ST3GAL1: variants seen among roughly 807,000 people sequenced by gnomAD.
ST3GAL1 encodes the protein CMP-N-acetylneuraminate-beta-galactosamide-alpha-2,3-sialyltransferase 1.
In ST3GAL1, 16 loss-of-function variants were observed where a neutral mutation model predicts 34.1. The ratio of observed to expected loss-of-function variants is 0.47; its 90% confidence interval spans 0.32 to 0.71. ST3GAL1 has a LOEUF of 0.71. Ranked by LOEUF, ST3GAL1 falls within the 30% of genes least tolerant of loss-of-function variation. ST3GAL1 has a pLI of 0.04. For synonymous variants in ST3GAL1, 191 were observed against 184.7 expected (o/e 1.03, Z -0.28); for missense variants, 353 against 447.4 (o/e 0.79, Z 1.90).
Position 133,467,505 on chromosome 8 carries a change from T to C in ST3GAL1, c.307-1415A>G, listed in dbSNP as rs1815788914. The stretch of plus-strand genomic sequence containing the variant: ...AGAGAGGTAAGCAACTCATCCCAAA[T>C]ACAAACCAGGATTTGAACCCAGGCT... On this transcript the variant is annotated intron_variant, in intron 5 of 9. Coordinates refer to ENST00000522652, the MANE Select transcript of ST3GAL1 (RefSeq NM_173344.3). This position sits in a 1 kb window ranked among gnomAD's most constrained non-coding sequence, Gnocchi z 4.2. Among the ~76,000 whole-genome samples the C allele has an allele frequency of 6.6e-6, 1 of 152,162 alleles. No individual in the cohort carries two copies. The highest frequency in any genetic ancestry group is 2.4e-5 in the African/African-American group (1 of 41,430).
At chr8:133,539,871 G>A (rs1818415835) in intron 2 of ST3GAL1, 1 of 152,194 alleles carries the variant, frequency 6.6e-6, no homozygotes, top group African/African-American at 2.4e-5. Flanking sequence ...ACTCCAGCCT[G>A]GGCACCAGAG....
rs572142065 is a variant in ST3GAL1 at position 133,562,622 on chromosome 8, G to A, written c.-582+9071C>T. ...TCTGTGAATGTCGCTGGGTTGTTCC[G>A]GGTGTTTGAGCTCTTGACCACTGGC... On this transcript the variant is annotated intron_variant, in intron 1 of 9. Transcript: ENST00000522652. Among the ~76,000 whole-genome samples the A allele has an allele frequency of 5.3e-5, 8 of 152,200 alleles. No homozygotes were observed. The East Asian group carries it at 9.7e-4, about 18-fold the overall frequency.
rs535697184 is a variant in ST3GAL1 at position 133,571,024 on chromosome 8, G to C, written c.-582+669C>G. On this transcript the variant is annotated intron_variant, in intron 1 of 9. Coordinates refer to ENST00000522652, the MANE Select transcript of ST3GAL1 (RefSeq NM_173344.3). This position sits in a 1 kb window ranked among gnomAD's most constrained non-coding sequence, Gnocchi z 6.7. ...CCCACTGTCCGCCACGCCGCGTTCA[G>C]CTCTCTTGTCCCGGGTGTCAACTTC... 1.3e-5 allele frequency among the ~76,000 whole-genome samples: 2 copies of C among 152,362 alleles called. No individual in the cohort carries two copies. The highest frequency in any genetic ancestry group is 4.8e-5 in the African/African-American group (2 of 41,588).
intron 2 of ST3GAL1, chr8:133,544,213 T>C (rs1436288189): frequency 6.6e-6 from 1 of 152,294 alleles, no homozygotes; most frequent in African/African-American, 2.4e-5. Context: ...GTCCCTTCCA[T>C]ACAAACTGTG....
At chr8:133,560,594 G>A (rs1169689419) in intron 1 of ST3GAL1, among the ~76,000 whole-genome samples, 1 of 152,230 alleles carries the variant, frequency 6.6e-6, no homozygotes, top group African/African-American at 2.4e-5. Flanking sequence ...AGAGGGCCCA[G>A]GTGGTCACAG....
At chr8:133,481,703 T>G (rs888515065) in intron 3 of ST3GAL1, among the ~76,000 whole-genome samples, 3 of 151,758 alleles carry the variant, frequency 2.0e-5, no homozygotes, top group Non-Finnish European at 2.9e-5. Context: ...TCCATGTTGG[T>G]CAGGCTGGTC....
intron 2 of ST3GAL1, among the ~76,000 whole-genome samples, chr8:133,536,347 C>A (rs1055937841): frequency 2.6e-5 from 4 of 152,118 alleles, no homozygotes; most frequent in African/African-American, 9.7e-5. Context: ...CCTTCAGGAA[C>A]AAAGATTATC....
rs1240712963 is a variant in ST3GAL1 at position 133,556,787 on chromosome 8, T to C, written c.-581-10861A>G. 6.6e-6 allele frequency among the ~76,000 whole-genome samples: 1 copy of C among 152,114 alleles called. No individual in the cohort carries two copies. Among genetic ancestry groups the C allele is most frequent in the Non-Finnish European group, 1.5e-5 (1 of 68,028 alleles). On this transcript the variant is annotated intron_variant, in intron 1 of 9. Transcript: ENST00000522652. This position sits in a 1 kb window ranked among gnomAD's most constrained non-coding sequence, Gnocchi z 8.9. Reference sequence around the variant, plus strand: ...CAGAATGCCACCACTAACAGTCCTATTTATAGCCCTTTGAAATATGGTGTG... The same window carrying C: ...CAGAATGCCACCACTAACAGTCCTACTTATAGCCCTTTGAAATATGGTGTG...
Position 133,570,430 on chromosome 8 carries a change from CCTTGCGCG to C in ST3GAL1, c.-582+1255_-582+1262del, listed in dbSNP as rs1819533033. The C allele has an allele frequency of 6.6e-6, 1 of 152,282 alleles. No individual in the cohort carries two copies. Among genetic ancestry groups the C allele is most frequent in the Non-Finnish European group, 1.5e-5 (1 of 68,082 alleles). The allele number at this position is 152,282 out of a possible 1,614,324, so 9.4% of individuals were successfully genotyped here. A position where few individuals can be genotyped will look rare whatever the true frequency, so the allele number is the denominator to read the frequency against. On this transcript the variant is annotated intron_variant, in intron 1 of 9. Transcript: ENST00000522652. This position sits in a 1 kb window ranked among gnomAD's most constrained non-coding sequence, Gnocchi z 5.6. ...GCAGTGACCTGCCCAACCCCCACCC[CCTTGCGCG>C]CTTCTGGGTGCGCACGTGTCCCCTC...
At chr8:133,562,792 T>TC (rs1373298063) in intron 1 of ST3GAL1, among the ~76,000 whole-genome samples, 22 of 97,618 alleles carry the variant, frequency 2.3e-4, no homozygotes, top group African/African-American at 5.8e-4. Context: ...TTTCTTTCTT[T>TC]CTTTCCTTCC....
In ST3GAL1 at chr8:133,545,764, G is replaced by A. The variant is rs1818656974; in HGVS notation, c.-429+10C>T. On this transcript the variant is annotated intron_variant, in intron 2 of 9. Coordinates refer to ENST00000522652, the MANE Select transcript of ST3GAL1 (RefSeq NM_173344.3). Reference sequence around the variant, plus strand: ...TCTCACTTGTGCTGCGGACAGATTAGTCACTTTACCTCCATAGGCTGAGTG... The same window carrying A: ...TCTCACTTGTGCTGCGGACAGATTAATCACTTTACCTCCATAGGCTGAGTG... 1 of 152,038 alleles carries A rather than the reference G, an allele frequency of 6.6e-6. No individual in the cohort carries two copies. Among genetic ancestry groups the A allele is most frequent in the Admixed American group, 6.6e-5 (1 of 15,252 alleles). 9.4% of individuals were successfully genotyped at this position (152,038 alleles called of 1,614,324 possible).
At chr8:133,563,903 C>G (rs1279244950) in intron 1 of ST3GAL1, among the ~76,000 whole-genome samples, 1 of 152,124 alleles carries the variant, frequency 6.6e-6, no homozygotes, top group Non-Finnish European at 1.5e-5. Flanking sequence ...GTAAGGCTGT[C>G]ATCAAGGGAG....
rs1819566592 is a variant in ST3GAL1 at position 133,571,457 on chromosome 8, G to T, written c.-582+236C>A. Among the ~76,000 whole-genome samples the T allele has an allele frequency of 6.6e-6, 1 of 152,152 alleles. No homozygotes were observed. Among genetic ancestry groups the T allele is most frequent in the Non-Finnish European group, 1.5e-5 (1 of 68,024 alleles). On this transcript the variant is annotated intron_variant, in intron 1 of 9. Transcript: ENST00000522652. This position sits in a 1 kb window ranked among gnomAD's most constrained non-coding sequence, Gnocchi z 6.7. ...TTCTTCCTCTCCCAAAGCCCTGGGT[G>T]GTCGCCGCTGCCAAGGAAGGGGTCT...
intron 5 of ST3GAL1, among the ~76,000 whole-genome samples, chr8:133,468,976 C>G (rs996686189): frequency 1.3e-5 from 2 of 152,162 alleles, no homozygotes; most frequent in South Asian, 2.1e-4. Flanking sequence ...CAGGGGGTGG[C>G]CTTCCATCAC....
At chr8:133,531,214 G>A (rs1818141811) in intron 2 of ST3GAL1, among the ~76,000 whole-genome samples, 1 of 151,414 alleles carries the variant, frequency 6.6e-6, no homozygotes, top group Non-Finnish European at 1.5e-5. Context: ...TTTAGTATAT[G>A]TAATATATAT....
intron 5 of ST3GAL1, among the ~76,000 whole-genome samples, chr8:133,472,702 G>T (rs1001599791): frequency 6.6e-6 from 1 of 152,154 alleles, no homozygotes; most frequent in Non-Finnish European, 1.5e-5. Context: ...TTTCCAGAGG[G>T]TGAAGCCCCA....
At chr8:133,474,618 C>T (rs1046645843) in intron 5 of ST3GAL1, among the ~76,000 whole-genome samples, 6 of 152,102 alleles carry the variant, frequency 3.9e-5, no homozygotes, top group African/African-American at 1.4e-4. Context: ...GATTTACAGC[C>T]CCCCAGCCAT....
At chr8:133,496,338 A>G (rs1816945380) in intron 3 of ST3GAL1, among the ~76,000 whole-genome samples, 1 of 152,154 alleles carries the variant, frequency 6.6e-6, no homozygotes, top group African/African-American at 2.4e-5. Flanking sequence ...CAGGTGAAGG[A>G]GAGGTGAGAA....
intron 2 of ST3GAL1, among the ~76,000 whole-genome samples, chr8:133,529,853 T>A (rs1818091839): frequency 6.6e-6 from 1 of 152,178 alleles, no homozygotes; most frequent in Admixed American, 6.5e-5. Context: ...CTTGCCTTCC[T>A]CAAGTCTCTG....
Sources: gnomAD v4.1 joint callset for allele counts (sites outside exome capture counted in the v4.1 genomes callset) on GRCh38, gnomAD v4.1.1 for gene constraint, Gnocchi (gnomAD v3.1) non-coding constraint, MANE v1.5 for transcripts, NCBI Gene and HGNC (gene_info 2026-07-23, HGNC 2026-07-21) for gene names.